Variants in ACTR1A observed in about 807,000 individuals in gnomAD.
The protein encoded by ACTR1A is alpha-centractin.
ACTR1A carries 10 observed loss-of-function variants against 50.7 expected under a neutral mutation model. The observed-to-expected ratio is 0.20, with a 90% CI of 0.12 to 0.33. The LOEUF is 0.33. Among genes scored for constraint, ACTR1A ranks in the 10% least tolerant of loss-of-function variants. The probability of loss-of-function intolerance (pLI) is 1.00; values close to 1 mark genes in which losing one functional copy is unlikely to be tolerated. For synonymous variants in ACTR1A, 177 were observed against 184.2 expected (o/e 0.96, Z 0.32); for missense variants, 253 against 491.7 (o/e 0.51, Z 4.59).
At chr10:102,486,231 A>G (rs530143587) in intron 4 of ACTR1A, among the ~76,000 whole-genome samples, 12 of 152,246 alleles carry the variant, frequency 7.9e-5, no homozygotes, top group African/African-American at 2.9e-4. Context: ...TGAGGGATCT[A>G]GGTTGGGCAC....
At chr10:102,493,837 A>G (rs1183298797) in intron 1 of ACTR1A, among the ~76,000 whole-genome samples, 2 of 152,256 alleles carry the variant, frequency 1.3e-5, no homozygotes, top group Non-Finnish European at 1.5e-5. Flanking sequence ...GATAGAACCT[A>G]AAGTATGGAA....
chr10:102,489,873 C>A (rs1237221756), intron 2 of ACTR1A, among the ~76,000 whole-genome samples: 1 of 151,952 alleles, frequency 6.6e-6, no homozygotes, highest in Non-Finnish European at 1.5e-5. Context: ...CTTTCCTCCC[C>A]CTTTAAGCCC....
chr10:102,488,075 C>T lies in ACTR1A; in HGVS notation c.315+75G>A. 6.5e-7 allele frequency: 1 copy of T among 1,537,258 alleles called. No individual in the cohort carries two copies. The highest frequency in any genetic ancestry group is 8.9e-7 in the Non-Finnish European group (1 of 1,121,842). ...ACTCTTGGCAGTGATCATCGTCCTC[C>T]TCATCATCTCTAGGGTAGGAGTTTG... On this transcript the variant is annotated intron_variant, in intron 4 of 10. Transcript: ENST00000369905. The surrounding 1 kb of genome is among the most constrained non-coding windows in gnomAD (Gnocchi z 4.4).
At position 102,485,141 on chromosome 10, in the gene ACTR1A, C is replaced by A. The variant is rs576728016; in HGVS notation, c.440+468G>T. On this transcript the variant is annotated intron_variant, in intron 5 of 10. Coordinates refer to ENST00000369905, the MANE Select transcript of ACTR1A (RefSeq NM_005736.4). ...TAGGTCACTTGTGGATAATCTCTGC[C>A]GTAGACCTCACTCTGGTGTGAGGTG... 3.3e-5 allele frequency among the ~76,000 whole-genome samples: 5 copies of A among 152,084 alleles called. 1 individual carries two copies. In the South Asian group the frequency reaches 1.0e-3, roughly 32 times the overall value.
At position 102,482,960 on chromosome 10, in the gene ACTR1A, C is replaced by T. The variant is rs2062150992; in HGVS notation, c.750+51G>A. ...CCTGATGGAGAATTCTGGTTGGGCC[C>T]AGAGCTTTTGTGGACCTAAGGGGAC... On this transcript the variant is annotated intron_variant, in intron 7 of 10. Transcript: ENST00000369905. The surrounding 1 kb of genome is among the most constrained non-coding windows in gnomAD (Gnocchi z 5.6). The T allele has an allele frequency of 1.4e-6, 2 of 1,465,666 alleles. No homozygotes were observed. Among genetic ancestry groups the T allele is most frequent in the Non-Finnish European group, 1.9e-6 (2 of 1,046,034 alleles). 90.8% of individuals were successfully genotyped at this position (1,465,666 alleles called of 1,614,324 possible).
chr10:102,494,879 C>T (rs185533130), intron 1 of ACTR1A, among the ~76,000 whole-genome samples: 3 of 152,244 alleles, frequency 2.0e-5, no homozygotes, highest in East Asian at 1.9e-4. Context: ...GGCACAATCT[C>T]GGCTCACTGT....
rs1465871636 is a variant in ACTR1A at position 102,479,702 on chromosome 10, T to G, written c.*1161A>C. On this transcript the variant is annotated 3_prime_UTR_variant, in exon 11 of 11. Coordinates refer to ENST00000369905, the MANE Select transcript of ACTR1A (RefSeq NM_005736.4). This position sits in a 1 kb window ranked among gnomAD's most constrained non-coding sequence, Gnocchi z 4.0. ...CCACCTCTACAACCTAGTCCCCTGG[T>G]CAGCTACAGTGGCAAAAGGCAACTT... 7.8e-7 allele frequency: 1 copy of G among 1,287,866 alleles called. No homozygotes were observed. Among genetic ancestry groups the G allele is most frequent in the Non-Finnish European group, 1.0e-6 (1 of 987,808 alleles). The allele number at this position is 1,287,866 out of a possible 1,614,324, so 79.8% of individuals were successfully genotyped here.
In ACTR1A at chr10:102,481,904, T is replaced by G. The variant is rs778988772; in HGVS notation, c.926-6A>C. 6.2e-7 allele frequency: 1 copy of G among 1,613,070 alleles called. No homozygotes were observed. The highest frequency in any genetic ancestry group is 8.5e-7 in the Non-Finnish European group (1 of 1,180,020). ...CAGGAGCCTGTCACCAAAACCTGAA[T>G]GGGCAAAGAGGAGAACTTCAAGTCA... On this transcript the variant is annotated splice_polypyrimidine_tract_variant and splice_region_variant and intron_variant, in intron 8 of 10. Transcript: ENST00000369905.
At chr10:102,501,122 C>T (rs947276077) in intron 1 of ACTR1A, among the ~76,000 whole-genome samples, 3 of 151,246 alleles carry the variant, frequency 2.0e-5, no homozygotes, top group African/African-American at 7.3e-5. Context: ...CTCAATCCTG[C>T]CCCTTTCTAA....
Position 102,488,118 on chromosome 10 carries a change from C to G in ACTR1A, c.315+32G>C. ...GGAGTTTGACACAGCTTTGCATACC[C>G]TACAGGAGTGCCCTACACACAGGAT... On this transcript the variant is annotated intron_variant, in intron 4 of 10. Coordinates refer to ENST00000369905, the MANE Select transcript of ACTR1A (RefSeq NM_005736.4). This position sits in a 1 kb window ranked among gnomAD's most constrained non-coding sequence, Gnocchi z 4.4. The G allele has an allele frequency of 6.2e-7, 1 of 1,601,040 alleles. No homozygotes were observed. The highest frequency in any genetic ancestry group is 1.1e-5 in the South Asian group (1 of 90,758).
intron 1 of ACTR1A, among the ~76,000 whole-genome samples, chr10:102,494,190 G>A (rs914592511): frequency 6.6e-6 from 1 of 152,226 alleles, no homozygotes; most frequent in South Asian, 2.1e-4. Context: ...AAAATGCCTG[G>A]TAGAGGCTTC....
intron 5 of ACTR1A, 136 bp from the exon 6 acceptor site, chr10:102,484,512 G>T: frequency 1.4e-6 from 1 of 736,530 alleles, no homozygotes; most frequent in African/African-American, 1.8e-5. Flanking sequence ...GAATGGACTG[G>T]GTACTAAGGA....
rs748380848 is a variant in ACTR1A, at chr10:102,484,230, A to T, written c.587T>A (p.Leu196His). 13 of 1,614,230 alleles carry T rather than the reference A, an allele frequency of 8.1e-6. No homozygotes were observed. Among genetic ancestry groups the T allele is most frequent in the Non-Finnish European group, 1.1e-5 (13 of 1,180,036 alleles). The change falls in exon 6 of 11, where the codon CTC (leucine) becomes CAC (histidine). Residue 196 changes from leucine to histidine, a missense_variant. Leu to His is a moderately conservative substitution (Grantham distance 99). Around this residue, in one of 4 missense-constraint regions of ACTR1A, gnomAD observed 116 missense variants for 155.9 expected, o/e 0.74. Coordinates refer to ENST00000369905, the MANE Select transcript of ACTR1A (RefSeq NM_005736.4). The part of the protein sequence containing the change: ...AGRDVSRFLR[L>H]YLRKEGYDFH... ...GTCGTAGCCCTCCTTACGCAGGTAG[A>T]GGCGCAGGAAGCGAGAGACGTCCCG...
Position 102,480,315 on chromosome 10 carries a change from T to C in ACTR1A, c.*548A>G. 2 of 166,664 alleles carry C rather than the reference T, an allele frequency of 1.2e-5. No homozygotes were observed. Among genetic ancestry groups the C allele is most frequent in the Non-Finnish European group, 2.6e-5 (2 of 75,866 alleles). 10.3% of individuals were successfully genotyped at this position (166,664 alleles called of 1,614,324 possible). ...CCTGCTCTCTCCTGACTCCAGTCTC[T>C]GTAATAGCTCTTGGGGTGCTTTTCC... On this transcript the variant is annotated 3_prime_UTR_variant, in exon 11 of 11. Coordinates refer to ENST00000369905, the MANE Select transcript of ACTR1A (RefSeq NM_005736.4).
rs35645620 is a variant in ACTR1A, at chr10:102,482,780, T to TAA, written c.750+229_750+230dup. ...CTAACACTAATGACAGCTGCTGAGC[T>TAA]AAAAAAAAAAATTGCAAAAGAATCT... is the stretch of plus-strand genomic sequence containing the variant. On this transcript the variant is annotated intron_variant, in intron 7 of 10. Coordinates refer to ENST00000369905, the MANE Select transcript of ACTR1A (RefSeq NM_005736.4). The surrounding 1 kb of genome is among the most constrained non-coding windows in gnomAD (Gnocchi z 5.6). The TAA allele has an allele frequency of 6.6e-3, 3,170 of 479,286 alleles. No homozygotes were observed. The highest frequency in any genetic ancestry group is 9.0e-3 in the Middle Eastern group (16 of 1,778). The allele number at this position is 479,286 out of a possible 1,614,324, so 29.7% of individuals were successfully genotyped here. A position where few individuals can be genotyped will look rare whatever the true frequency, so the allele number is the denominator to read the frequency against.
intron 1 of ACTR1A, among the ~76,000 whole-genome samples, chr10:102,499,247 A>G (rs1276939113): frequency 1.3e-5 from 2 of 152,226 alleles, no homozygotes; most frequent in Non-Finnish European, 2.9e-5. Context: ...AAGTTGTCTC[A>G]GGTATTTCAA....
intron 1 of ACTR1A, among the ~76,000 whole-genome samples, chr10:102,497,351 G>T (rs1411039770): frequency 1.3e-5 from 2 of 152,136 alleles, no homozygotes; most frequent in Admixed American, 6.5e-5. Flanking sequence ...ACAGTAGGAT[G>T]ATAGCACTTA....
intron 5 of ACTR1A, among the ~76,000 whole-genome samples, chr10:102,485,201 A>G (rs948494767): frequency 3.3e-5 from 5 of 152,152 alleles, no homozygotes. Flanking sequence ...GGGGGATGGG[A>G]ACAAGGACTG....
At chr10:102,499,428 A>G (rs1391082901) in intron 1 of ACTR1A, among the ~76,000 whole-genome samples, 1 of 152,226 alleles carries the variant, frequency 6.6e-6, no homozygotes, top group Non-Finnish European at 1.5e-5. Context: ...TTTGGCAGAA[A>G]TACTGGCATA....
Sources: allele counts gnomAD v4.1 joint callset (sites outside exome capture counted in the v4.1 genomes callset), GRCh38; gene constraint gnomAD v4.1.1; regional missense constraint gnomAD v4.1.1; non-coding constraint Gnocchi (gnomAD v3.1); transcripts MANE v1.5; gene names NCBI Gene and HGNC (gene_info 2026-07-23, HGNC 2026-07-21).